Variants in BDH2 observed in about 807,000 individuals in gnomAD.
BDH2 encodes dehydrogenase/reductase SDR family member 6.
In BDH2, 24 loss-of-function variants were observed where a neutral mutation model predicts 33.2. The observed-to-expected ratio is 0.72, with a 90% confidence interval of 0.52 to 1.02. The LOEUF (loss-of-function observed/expected upper bound fraction) is 1.02. Among genes scored for constraint, BDH2 ranks in the 50% least tolerant of loss-of-function variants. The pLI is 0.00. For missense variants in BDH2, 249 were observed against 301.6 expected, an observed-to-expected ratio of 0.83 and a Z score of 1.29; for synonymous variants, 81 against 101.6, an observed-to-expected ratio of 0.80 and a Z score of 1.22.
chr4:103,092,667 T>C lies in BDH2; in HGVS notation c.181A>G (p.Lys61Glu), dbSNP rs778332306. 4.3e-6 allele frequency: 7 copies of C among 1,612,838 alleles called. No individual in the cohort carries two copies. Among genetic ancestry groups the C allele is most frequent in the South Asian group, 3.3e-5 (3 of 91,042 alleles). The change falls in exon 4 of 10, where the codon AAG becomes GAG. Residue 61 changes from lysine to glutamate, a missense_variant. By Grantham distance (56) the Lys-to-Glu change is moderately conservative. Coordinates refer to ENST00000296424, the MANE Select transcript of BDH2 (RefSeq NM_020139.4). ...GCAAACTGATCAATTTGTTTCTTCT[T>C]TGTGACATCAAGGACACGAGTTTGA... is the stretch of plus-strand genomic sequence containing the variant. The part of the protein sequence containing the change: ...GIQTRVLDVT[K>E]KKQIDQFANE...
In BDH2 at chr4:103,077,828, TA is replaced by T. The variant is rs780836353; in HGVS notation, c.*1873del. On this transcript the variant is annotated 3_prime_UTR_variant, in exon 10 of 10. Transcript: ENST00000296424. ...TCCTTAATTTCATAAACCAGAAAACTAAAATCCAAGATAGATTGGGTGACTT... is the reference window on the plus strand; with the variant it reads ...TCCTTAATTTCATAAACCAGAAAACTAAATCCAAGATAGATTGGGTGACTT... Among the ~76,000 whole-genome samples, 3 of 152,188 alleles carry T rather than the reference TA, an allele frequency of 2.0e-5. No homozygotes were observed. The highest frequency in any genetic ancestry group is 6.5e-5 in the Admixed American group (1 of 15,280).
At chr4:103,092,755 G>T in intron 3 of BDH2, 59 bp from the exon 4 acceptor site, 4 of 1,251,810 alleles carry the variant, frequency 3.2e-6, no homozygotes, top group Non-Finnish European at 4.6e-6. Flanking sequence ...AGGTTTAGCT[G>T]TTTTGAAGTG....
rs1221828342 is a variant in BDH2 at position 103,079,863 on chromosome 4, A to G, written c.685-108T>C. ...AACTAAACAATTTACCCTTGTCCTA[A>G]CAGGAAACCTCACTTAAACACTTAA... On this transcript the variant is annotated intron_variant, in intron 9 of 9. Coordinates refer to ENST00000296424, the MANE Select transcript of BDH2 (RefSeq NM_020139.4). 3 of 1,003,160 alleles carry G rather than the reference A, an allele frequency of 3.0e-6. No homozygotes were observed. In the Admixed American group the frequency reaches 6.2e-5, roughly 21 times the overall value. 62.1% of individuals were successfully genotyped at this position (1,003,160 alleles called of 1,614,324 possible).
intron 6 of BDH2, chr4:103,086,228 C>G (rs926357952): frequency 1.6e-6 from 2 of 1,241,524 alleles, no homozygotes; most frequent in African/African-American, 3.1e-5. Context: ...GTTTGATGTT[C>G]ATTTCCATGT....
intron 5 of BDH2, among the ~76,000 whole-genome samples, chr4:103,090,672 C>T (rs950140282): frequency 3.9e-5 from 6 of 152,142 alleles, no homozygotes; most frequent in African/African-American, 9.7e-5. Flanking sequence ...ATTCCAGTCT[C>T]GTGTGCCTCC....
Position 103,084,676 on chromosome 4 carries a change from C to T in BDH2, c.532+673G>A, listed in dbSNP as rs558733592. 8.1e-4 allele frequency among the ~76,000 whole-genome samples: 124 copies of T among 152,336 alleles called. 3 individuals carry two copies. The South Asian group carries it at 0.024, about 30-fold the overall frequency. ...TTTTTCTTAGCGTTACCTACGTTTA[C>T]ATTTCTGTTCCAAGAAAAATAAAAC... On this transcript the variant is annotated intron_variant, in intron 7 of 9. Coordinates refer to ENST00000296424, the MANE Select transcript of BDH2 (RefSeq NM_020139.4).
intron 1 of BDH2, among the ~76,000 whole-genome samples, chr4:103,096,827 CACTG>C (rs1748433073): frequency 6.6e-6 from 1 of 152,274 alleles, no homozygotes; most frequent in East Asian, 1.9e-4. Context: ...AGGCCTGAGC[CACTG>C]TGCCCAGCCC....
chr4:103,082,805 G>A lies in BDH2; in HGVS notation c.591+66C>T, dbSNP rs904677551. Reference sequence around the variant, plus strand: ...ACTTTCTGTCTCTATGAATTTGTCTGCTATAGGTATGGAAGAGGGCATTTA... The same window carrying A: ...ACTTTCTGTCTCTATGAATTTGTCTACTATAGGTATGGAAGAGGGCATTTA... On this transcript the variant is annotated intron_variant, in intron 8 of 9. Transcript: ENST00000296424. 4.3e-5 allele frequency: 58 copies of A among 1,364,350 alleles called. No individual in the cohort carries two copies. The Admixed American group carries it at 5.5e-4, about 13-fold the overall frequency. 84.5% of individuals were successfully genotyped at this position (1,364,350 alleles called of 1,614,324 possible). A position where few individuals can be genotyped will look rare whatever the true frequency, so the allele number is the denominator to read the frequency against.
Position 103,096,253 on chromosome 4 carries a change from ATAATGGAACCTGTGGTT to A in BDH2, c.-16_1del. On this transcript the variant is annotated start_lost and start_retained_variant and 5_prime_UTR_variant, in exon 2 of 10. Coordinates refer to ENST00000296424, the MANE Select transcript of BDH2 (RefSeq NM_020139.4). ...GATGACTTTCCCATCAAGTCGACCC[ATAATGGAACCTGTGGTT>A]TAATCTAAAGACATGTGTGTTTAAT... The A allele has an allele frequency of 6.2e-7, 1 of 1,613,644 alleles. No individual in the cohort carries two copies. The highest frequency in any genetic ancestry group is 8.5e-7 in the Non-Finnish European group (1 of 1,179,626).
At chr4:103,096,729 C>T (rs796080982) in intron 1 of BDH2, among the ~76,000 whole-genome samples, 7 of 151,994 alleles carry the variant, frequency 4.6e-5, no homozygotes, top group African/African-American at 7.2e-5. Context: ...TTTGTAGAGA[C>T]GGGCTTTCAC....
rs148470137 is a variant in BDH2, at chr4:103,091,220, T to A, written c.314A>T (p.Asn105Ile). The A allele has an allele frequency of 1.6e-4, 264 of 1,613,228 alleles. No individual in the cohort carries two copies. Among genetic ancestry groups the A allele is most frequent in the Middle Eastern group, 1.8e-4 (1 of 5,700 alleles). ...GATCATCAGGTACATGCTGCGCACA[T>A]TGAGATTCATCGAGAAGTCCCAGTC... ...EKDWDFSMNL[N>I]VRSMYLMIKA... The change falls in exon 5 of 10, where the codon AAT becomes ATT. Residue 105 changes from asparagine to isoleucine, a missense_variant. Physicochemically the swap from Asn to Ile is moderately radical, Grantham distance 149. Transcript: ENST00000296424.
chr4:103,097,697 A>G (rs2125814010), intron 1 of BDH2: 1 of 152,384 alleles, frequency 6.6e-6, no homozygotes, highest in South Asian at 2.1e-4. Context: ...CACCAGATCT[A>G]TGCTACTTGG....
At chr4:103,082,832 T>A in intron 8 of BDH2, 39 bp downstream of exon 8, 1 of 1,537,972 alleles carries the variant, frequency 6.5e-7, no homozygotes, top group Non-Finnish European at 9.0e-7. Context: ...GGGCATTTAT[T>A]AACAAAAGGT....
intron 1 of BDH2, among the ~76,000 whole-genome samples, chr4:103,097,293 T>C (rs1748456987): frequency 6.6e-6 from 1 of 152,168 alleles, no homozygotes; most frequent in South Asian, 2.1e-4. Flanking sequence ...AAGCATGCAG[T>C]AGTAACACAT....
At position 103,082,939 on chromosome 4, in the gene BDH2, A is replaced by C. The variant is rs777953849; in HGVS notation, c.533-10T>G. The C allele has an allele frequency of 2.5e-6, 4 of 1,610,072 alleles. No homozygotes were observed. Among genetic ancestry groups the C allele is most frequent in the Non-Finnish European group, 3.4e-6 (4 of 1,176,624 alleles). The stretch of plus-strand genomic sequence containing the variant: ...GGCGTATCAACTGTTCCTAAATCAA[A>C]GGGGGATATTCAGCTTGGTTACTCA... On this transcript the variant is annotated splice_polypyrimidine_tract_variant and intron_variant, in intron 7 of 9. Transcript: ENST00000296424.
intron 7 of BDH2, among the ~76,000 whole-genome samples, chr4:103,084,443 G>A (rs1435695721): frequency 6.6e-6 from 1 of 152,142 alleles, no homozygotes; most frequent in South Asian, 2.1e-4. Context: ...TCTGTGATTG[G>A]TTCACTGAGT....
intron 6 of BDH2, 42 bp downstream of exon 6, chr4:103,086,438 G>T (rs772010856): frequency 1.9e-6 from 3 of 1,598,936 alleles, no homozygotes; most frequent in South Asian, 2.3e-5. Context: ...TTAATGATGT[G>T]CGTGTATGAG....
Position 103,086,740 on chromosome 4 carries a change from T to C in BDH2, c.358-200A>G, listed in dbSNP as rs556123965. ...AACTATTGCTGGGAAATGATGGCAATGTGACTGCACTCACTGGCATTTCCC... is the reference window on the plus strand; with the variant it reads ...AACTATTGCTGGGAAATGATGGCAACGTGACTGCACTCACTGGCATTTCCC... On this transcript the variant is annotated intron_variant, in intron 5 of 9. Transcript: ENST00000296424. 1.4e-4 allele frequency among the ~76,000 whole-genome samples: 21 copies of C among 152,306 alleles called. 1 individual carries two copies. In the South Asian group the frequency reaches 4.1e-3, roughly 30 times the overall value.
rs1340759743 is a variant in BDH2, at chr4:103,079,093, C to A, written c.*609G>T. On this transcript the variant is annotated 3_prime_UTR_variant, in exon 10 of 10. Transcript: ENST00000296424. ...ATGCTGCAATGGCCTATTTGTATCACCCCAGAGTCATGTGTTGACATCCTA... is the reference window on the plus strand; with the variant it reads ...ATGCTGCAATGGCCTATTTGTATCAACCCAGAGTCATGTGTTGACATCCTA... Among the ~76,000 whole-genome samples, 2 of 152,180 alleles carry A rather than the reference C, an allele frequency of 1.3e-5. No individual in the cohort carries two copies. Among genetic ancestry groups the A allele is most frequent in the Non-Finnish European group, 2.9e-5 (2 of 68,016 alleles).
Sources: gnomAD v4.1 joint callset for allele counts (sites outside exome capture counted in the v4.1 genomes callset) on GRCh38, gnomAD v4.1.1 for gene constraint, MANE v1.5 for transcripts, NCBI Gene and HGNC (gene_info 2026-07-23, HGNC 2026-07-21) for gene names.